CENPM: variants seen among roughly 807,000 people sequenced by gnomAD.
CENPM encodes centromere protein M.
In CENPM, 14 loss-of-function variants were observed where a neutral mutation model predicts 19.6. That is an observed-to-expected ratio of 0.71 (90% CI 0.47 to 1.11). The LOEUF (loss-of-function observed/expected upper bound fraction) is 1.11. Among genes scored for constraint, CENPM ranks in the 50% most tolerant of loss-of-function variants. CENPM has a pLI of 0.00. For synonymous variants in CENPM, 114 were observed against 101.5 expected (o/e 1.12, Z -0.74); for missense variants, 239 against 228.4 (o/e 1.05, Z -0.30).
At chr22:41,932,934 T>G in the CENPM span, among the ~76,000 whole-genome samples, 2 of 151,944 alleles carry the variant, frequency 1.3e-5, no homozygotes, top group African/African-American at 4.8e-5. The surrounding 1 kb of genome is among the most constrained non-coding windows in gnomAD (Gnocchi z 4.3). Flanking sequence ...TCTGGGGAAA[T>G]AGCAGGGAAG....
intron 5 of CENPM, among the ~76,000 whole-genome samples, chr22:41,941,266 A>G (rs2077736340): frequency 6.6e-6 from 1 of 152,238 alleles, no homozygotes; most frequent in Admixed American, 6.5e-5. Flanking sequence ...ATTATGCAGA[A>G]GAGTGTTCTG....
chr22:41,939,785 A>AAAAAAG lies in CENPM; in HGVS notation c.403-590_403-589insCTTTTT, dbSNP rs1569425703. ...GCCCAGTGTCTGTCTCAAAAAAGAA[A>AAAAAAG]GAAAAAGAAAGAAAAAGAAAGAAAA... On this transcript the variant is annotated intron_variant, in intron 5 of 5. Coordinates refer to ENST00000215980, the MANE Select transcript of CENPM (RefSeq NM_024053.5). 3.0e-4 allele frequency among the ~76,000 whole-genome samples: 37 copies of AAAAAAG among 125,154 alleles called. 2 individuals are homozygous for AAAAAAG. The highest frequency in any genetic ancestry group is 5.1e-4 in the Non-Finnish European group (32 of 63,052). 82.1% of individuals were successfully genotyped at this position (125,154 alleles called of 152,430 possible). A position where few individuals can be genotyped will look rare whatever the true frequency, so the allele number is the denominator to read the frequency against.
At chr22:41,933,619 G>A in the CENPM span, among the ~76,000 whole-genome samples, 1 of 152,150 alleles carries the variant, frequency 6.6e-6, no homozygotes, top group African/African-American at 2.4e-5. Flanking sequence ...CCCATACTCA[G>A]GTGGGACCCG....
At chr22:41,935,190 A>G (rs529730646), downstream of CENPM, among the ~76,000 whole-genome samples, 2 of 152,290 alleles carry the variant, frequency 1.3e-5, no homozygotes, top group East Asian at 3.9e-4. Context: ...TCTTGGCTGG[A>G]GAATGCGATG....
rs1437199655 is a variant in CENPM, at chr22:41,945,962, GC to G, written c.180del (p.Arg62GlufsTer4). 5 of 1,613,790 alleles carry G rather than the reference GC, an allele frequency of 3.1e-6. No individual in the cohort carries two copies. The highest frequency in any genetic ancestry group is 1.3e-5 in the African/African-American group (1 of 74,902). On this transcript the variant is annotated frameshift_variant, in exon 3 of 6. Coordinates refer to ENST00000215980, the MANE Select transcript of CENPM (RefSeq NM_024053.5). LOFTEE classifies it high-confidence loss of function. ...ACAAACACGATCAGGTCAATTCGGG[GC>G]CGATTCACACTGGAGGGCAAAGGGA... Reference protein sequence around the residue: ...KSLPLPSSVNRPRIDLIVFVV... With the variant: ...KSLPLPSSVNXPRIDLIVFVV...
chr22:41,939,282 G>T, intron 5 of CENPM, 86 bp from the exon 6 acceptor site: 1 of 1,467,902 alleles, frequency 6.8e-7, no homozygotes, highest in Non-Finnish European at 9.1e-7. Flanking sequence ...GCCAGAGCAG[G>T]GCTGGGGGCG....
downstream of CENPM, among the ~76,000 whole-genome samples, chr22:41,934,429 G>A (rs576418325): frequency 3.9e-5 from 6 of 152,296 alleles, no homozygotes; most frequent in South Asian, 2.1e-4. Flanking sequence ...ATAAGAGCAC[G>A]GACGGGGCAG....
chr22:41,936,396 G>T (rs1306458572), downstream of CENPM, among the ~76,000 whole-genome samples: 1 of 152,230 alleles, frequency 6.6e-6, no homozygotes, highest in Non-Finnish European at 1.5e-5. Context: ...GACATGTGGG[G>T]CCTCGACCGG....
At chr22:41,937,198 A>G (rs2077687572), downstream of CENPM, among the ~76,000 whole-genome samples, 1 of 152,236 alleles carries the variant, frequency 6.6e-6, no homozygotes, top group Non-Finnish European at 1.5e-5. Flanking sequence ...ATCTCTCGCC[A>G]TCAACCCCAA....
chr22:41,944,505 C>A lies in CENPM; in HGVS notation c.310+720G>T, dbSNP rs188123619. On this transcript the variant is annotated intron_variant, in intron 4 of 5. Coordinates refer to ENST00000215980, the MANE Select transcript of CENPM (RefSeq NM_024053.5). The stretch of plus-strand genomic sequence containing the variant: ...ACCTAGGTGTAAACCTTGGCTCTAC[C>A]ACTTTTCATCTAGGGGCCTGGGGCA... 3.9e-4 allele frequency: 99 copies of A among 251,912 alleles called. 3 individuals carry two copies. The East Asian group carries it at 0.017, about 43-fold the overall frequency. The allele number at this position is 251,912 out of a possible 1,614,324, so 15.6% of individuals were successfully genotyped here. A position where few individuals can be genotyped will look rare whatever the true frequency, so the allele number is the denominator to read the frequency against.
At chr22:41,934,419 A>G (rs2077675767), downstream of CENPM, among the ~76,000 whole-genome samples, 1 of 152,188 alleles carries the variant, frequency 6.6e-6, no homozygotes, top group Non-Finnish European at 1.5e-5. Context: ...CTTCCAGCTT[A>G]TAAGAGCACG....
chr22:41,929,138 C>T, the CENPM span, among the ~76,000 whole-genome samples: 2 of 146,644 alleles, frequency 1.4e-5, no homozygotes, highest in African/African-American at 5.1e-5. Flanking sequence ...TGTGGGTGAG[C>T]GTGGGTGTAC....
At chr22:41,945,135 A>G in intron 4 of CENPM, 90 bp downstream of exon 4, 1 of 1,595,188 alleles carries the variant, frequency 6.3e-7, no homozygotes, top group South Asian at 1.1e-5. Flanking sequence ...TGCTCTTTCC[A>G]TCACCCAGGG....
At position 41,947,007 on chromosome 22, in the gene CENPM, C is replaced by T. The variant is rs375267313; in HGVS notation, c.57+13G>A. ...GAAAAACCGGCGGGGGAAGCAGGGC[C>T]GCCTGCACCTACCAAGATGGTGGCC... On this transcript the variant is annotated intron_variant, in intron 1 of 5. Transcript: ENST00000215980. 5.6e-5 allele frequency: 91 copies of T among 1,612,440 alleles called. No homozygotes were observed. The African/African-American group carries it at 1.0e-3, about 18-fold the overall frequency.
At chr22:41,932,623 C>T in the CENPM span, among the ~76,000 whole-genome samples, 1 of 152,232 alleles carries the variant, frequency 6.6e-6, no homozygotes, top group African/African-American at 2.4e-5. This position sits in a 1 kb window ranked among gnomAD's most constrained non-coding sequence, Gnocchi z 4.3. Context: ...CAGCATGGCC[C>T]CGGGATAGAG....
downstream of CENPM, among the ~76,000 whole-genome samples, chr22:41,935,282 G>A (rs924444975): frequency 2.0e-5 from 3 of 152,162 alleles, no homozygotes; most frequent in African/African-American, 7.2e-5. Context: ...GCGGGCATGG[G>A]GGGGAGGGGG....
downstream of CENPM, among the ~76,000 whole-genome samples, chr22:41,937,884 C>G (rs2077690690): frequency 6.6e-6 from 1 of 152,172 alleles, no homozygotes; most frequent in Non-Finnish European, 1.5e-5. Context: ...CGCTCTGTCG[C>G]CCAGGCTGGA....
chr22:41,935,263 G>A (rs528715803), downstream of CENPM, among the ~76,000 whole-genome samples: 15 of 152,226 alleles, frequency 9.9e-5, no homozygotes, highest in Admixed American at 4.6e-4. Context: ...CCTGAGAGAG[G>A]TGCCCCATGC....
At chr22:41,945,591 C>T (rs2077791045) in intron 3 of CENPM, among the ~76,000 whole-genome samples, 1 of 151,850 alleles carries the variant, frequency 6.6e-6, no homozygotes, top group Non-Finnish European at 1.5e-5. Flanking sequence ...GCTGGGACTA[C>T]AGGTACATGC....
Sources: gnomAD v4.1 joint callset for allele counts (sites outside exome capture counted in the v4.1 genomes callset) on GRCh38, gnomAD v4.1.1 for gene constraint, Gnocchi (gnomAD v3.1) non-coding constraint, MANE v1.5 for transcripts, NCBI Gene and HGNC (gene_info 2026-07-23, HGNC 2026-07-21) for gene names.